The following POLK variants were observed in gnomAD, a reference collection of about 807,000 sequenced individuals.
The protein encoded by POLK is DNA polymerase kappa.
A neutral mutation model predicts 94.0 loss-of-function variants in POLK; 76 were observed. The ratio of observed to expected loss-of-function variants is 0.81; its 90% CI spans 0.67 to 0.98. The LOEUF (loss-of-function observed/expected upper bound fraction) is 0.98. Ranked by LOEUF, POLK falls within the 50% of genes least tolerant of loss-of-function variation. The probability of loss-of-function intolerance (pLI) is 0.00; values close to 1 mark genes in which losing one functional copy is unlikely to be tolerated. For missense variants in POLK, 954 were observed against 1,010.1 expected (o/e 0.94, Z 0.75); for synonymous variants, 349 against 325.4 (o/e 1.07, Z -0.78).
chr5:75,587,031 G>A (rs772211896), exon 10 of POLK: 3 of 1,556,368 alleles, frequency 1.9e-6, no homozygotes, highest in Non-Finnish European at 2.6e-6. Flanking sequence ...TCAAGGGATG[G>A]AGAGAGGAAA....
At chr5:75,604,838 G>A (rs953011315), downstream of POLK, among the ~76,000 whole-genome samples, 5 of 152,082 alleles carry the variant, frequency 3.3e-5, no homozygotes, top group East Asian at 3.9e-4. Flanking sequence ...AGGACTAATC[G>A]CTTTTGCTTT....
chr5:75,595,097 A>C (rs539379990), intron 12 of POLK, among the ~76,000 whole-genome samples: 46 of 151,878 alleles, frequency 3.0e-4, no homozygotes, highest in Non-Finnish European at 4.9e-4. Flanking sequence ...CAAAAACTAC[A>C]AAAAATTAGC....
downstream of POLK, among the ~76,000 whole-genome samples, chr5:75,604,648 A>T (rs867884457): frequency 1.3e-5 from 2 of 152,152 alleles, no homozygotes; most frequent in Admixed American, 6.5e-5. Flanking sequence ...AAGCTCTGGG[A>T]TTAACAGGCA....
At chr5:75,550,886 A>G (rs1347109606) in intron 2 of POLK, among the ~76,000 whole-genome samples, 1 of 152,164 alleles carries the variant, frequency 6.6e-6, no homozygotes, top group Non-Finnish European at 1.5e-5. Flanking sequence ...TTTCTACTCA[A>G]CATAGTCCTA....
intron 1 of POLK, among the ~76,000 whole-genome samples, chr5:75,521,185 C>CTTTTCCCT (rs1768567489): frequency 6.6e-6 from 1 of 152,098 alleles, no homozygotes; most frequent in Non-Finnish European, 1.5e-5. Context: ...TTTGAATAAA[C>CTTTTCCCT]TTTCTACTCC....
At chr5:75,591,345 A>G (rs1772771192) in intron 11 of POLK, among the ~76,000 whole-genome samples, 1 of 152,210 alleles carries the variant, frequency 6.6e-6, no homozygotes, top group Non-Finnish European at 1.5e-5. Context: ...AAATTACTAC[A>G]AAGAGTGGAA....
intron 1 of POLK, among the ~76,000 whole-genome samples, chr5:75,524,091 C>T (rs1354970550): frequency 1.2e-4 from 18 of 151,344 alleles, no homozygotes; most frequent in Non-Finnish European, 2.2e-4. Flanking sequence ...GATTGCGCCA[C>T]TGCACTCCAG....
intron 5 of POLK, among the ~76,000 whole-genome samples, chr5:75,575,847 A>G (rs530652502): frequency 2.6e-5 from 4 of 152,044 alleles, no homozygotes; most frequent in Non-Finnish European, 5.9e-5. Flanking sequence ...CAGTTTTCTC[A>G]TGATACAGTA....
chr5:75,529,689 C>T (rs901808703), intron 1 of POLK, among the ~76,000 whole-genome samples: 111 of 151,438 alleles, frequency 7.3e-4, no homozygotes, highest in African/African-American at 2.7e-3. Context: ...GATGTGGAAC[C>T]CATGGATATG....
intron 3 of POLK, among the ~76,000 whole-genome samples, chr5:75,553,517 G>A (rs1276240689): frequency 1.3e-5 from 2 of 152,088 alleles, no homozygotes; most frequent in Non-Finnish European, 2.9e-5. Flanking sequence ...TTTTTAAGTG[G>A]TCTTCTATTA....
In POLK at chr5:75,583,304, A is replaced by G. The variant is rs773814399; in HGVS notation, c.946A>G (p.Asn316Asp). 5.0e-6 allele frequency: 8 copies of G among 1,600,424 alleles called. No homozygotes were observed. In the South Asian group the frequency reaches 6.8e-5, roughly 14 times the overall value. ...ATTCTTCTTTTAAGGCATTGCCCCA[A>G]ATACAATGTTAGCAAAAGTATGCAG... Residue 316 changes from asparagine (N) to aspartate (D), a missense_variant, in exon 8 of 15, where the codon AAT becomes GAT. Coordinates refer to ENST00000241436, the Ensembl canonical transcript of POLK.
At chr5:75,511,620 C>T, upstream of POLK, 6 of 1,477,146 alleles carry the variant, frequency 4.1e-6, no homozygotes, top group South Asian at 2.7e-5. Context: ...TCCTGCCTGG[C>T]CCACTATTTA....
At chr5:75,593,649 G>C (rs547146718) in intron 11 of POLK, among the ~76,000 whole-genome samples, 1 of 152,094 alleles carries the variant, frequency 6.6e-6, no homozygotes, top group Admixed American at 6.6e-5. Context: ...TTTGAGACTA[G>C]CCTGGGTAAC....
At chr5:75,607,080 G>T in the POLK span, among the ~76,000 whole-genome samples, 1 of 152,190 alleles carries the variant, frequency 6.6e-6, no homozygotes, top group African/African-American at 2.4e-5. Context: ...AGGTGTTACA[G>T]AATTGATGAC....
chr5:75,530,245 C>CTTTTTTTTTTTTTTTTTTT (rs575507126), intron 1 of POLK, among the ~76,000 whole-genome samples: 1 of 95,942 alleles, frequency 1.0e-5, no homozygotes, highest in Non-Finnish European at 2.1e-5. Context: ...ATTTGTATTT[C>CTTTTTTTTTTTTTTTTTTT]TTTTTTTTTT....
intron 7 of POLK, 49 bp downstream of exon 7, chr5:75,581,497 G>T: frequency 6.7e-7 from 1 of 1,485,526 alleles, no homozygotes; most frequent in Non-Finnish European, 9.3e-7. Flanking sequence ...TTTCAGACTG[G>T]CTAATTTAAG....
intron 12 of POLK, among the ~76,000 whole-genome samples, chr5:75,595,267 A>AAAAAAAAAAAAAAAAAAAAAAAC (rs1561412818): frequency 6.6e-6 from 1 of 150,432 alleles, no homozygotes; most frequent in African/African-American, 2.5e-5. Flanking sequence ...AAAAAAAAAA[A>AAAAAAAAAAAAAAAAAAAAAAAC]AAAAAAGCCC....
At chr5:75,591,851 C>T (rs1772804958) in intron 11 of POLK, among the ~76,000 whole-genome samples, 1 of 152,194 alleles carries the variant, frequency 6.6e-6, no homozygotes, top group Admixed American at 6.5e-5. Context: ...GAAAGAGTAT[C>T]ACAAAGAGGA....
chr5:75,555,045 T>G (rs1463295318), intron 3 of POLK, among the ~76,000 whole-genome samples: 1 of 152,196 alleles, frequency 6.6e-6, no homozygotes, highest in Non-Finnish European at 1.5e-5. Flanking sequence ...GTACAAAGAT[T>G]TTCCATATAC....
Sources: allele counts gnomAD v4.1 joint callset (sites outside exome capture counted in the v4.1 genomes callset), GRCh38; gene constraint gnomAD v4.1.1; transcripts MANE v1.5; gene names NCBI Gene and HGNC (gene_info 2026-07-23, HGNC 2026-07-21).